BCL2L1: variants seen among roughly 807,000 people sequenced by gnomAD.
BCL2L1 encodes bcl-2-like protein 1.
Under a neutral mutation model 18.7 loss-of-function variants are expected in BCL2L1, and 1 was observed. The observed-to-expected ratio is 0.05, with a 90% CI of 0.02 to 0.25. BCL2L1 has a LOEUF of 0.25. Among genes scored for constraint, BCL2L1 ranks in the 10% least tolerant of loss-of-function variants. BCL2L1 has a pLI of 1.00. For missense variants in BCL2L1, 207 were observed against 304.9 expected (o/e 0.68, Z 2.39); for synonymous variants, 103 against 122.7 (o/e 0.84, Z 1.06).
At chr20:31,706,421 G>C (rs2061369249) in intron 2 of BCL2L1, among the ~76,000 whole-genome samples, 1 of 152,188 alleles carries the variant, frequency 6.6e-6, no homozygotes, top group Non-Finnish European at 1.5e-5. Flanking sequence ...CTCTGCACTA[G>C]GCAATGTGTA....
intron 2 of BCL2L1, among the ~76,000 whole-genome samples, chr20:31,695,202 CT>C (rs1040220451): frequency 6.6e-6 from 1 of 152,228 alleles, no homozygotes; most frequent in Non-Finnish European, 1.5e-5. Flanking sequence ...ACCCACCTGG[CT>C]TCTCACTGGT....
At chr20:31,723,661 G>A (rs1017403847), upstream of BCL2L1, 3 of 985,450 alleles carry the variant, frequency 3.0e-6, no homozygotes, top group East Asian at 1.1e-4. Context: ...GAGCCCAGCC[G>A]GCACGGAAGC....
At chr20:31,713,061 T>C (rs189573414) in intron 2 of BCL2L1, among the ~76,000 whole-genome samples, 1 of 151,676 alleles carries the variant, frequency 6.6e-6, no homozygotes, top group African/African-American at 2.4e-5. Context: ...TATGCAGGGG[T>C]GGGGTGGAAT....
chr20:31,679,665 C>T (rs1483562712), intron 2 of BCL2L1, among the ~76,000 whole-genome samples: 1 of 152,150 alleles, frequency 6.6e-6, no homozygotes, highest in Non-Finnish European at 1.5e-5. Flanking sequence ...TTATTATTAT[C>T]GTTATTAATT....
chr20:31,701,203 G>A (rs1028897269), intron 2 of BCL2L1, among the ~76,000 whole-genome samples: 1 of 152,026 alleles, frequency 6.6e-6, no homozygotes, highest in African/African-American at 2.4e-5. Flanking sequence ...ACAGGCACGC[G>A]CCACCACACC....
chr20:31,697,890 CTGTT>C (rs2061202703), intron 2 of BCL2L1, among the ~76,000 whole-genome samples: 1 of 78,818 alleles, frequency 1.3e-5, no homozygotes. Context: ...TGTGCTGTTG[CTGTT>C]TTTTTTTTTT....
upstream of BCL2L1, chr20:31,723,757 G>A (rs1159919277): frequency 4.1e-6 from 4 of 985,288 alleles, no homozygotes; most frequent in East Asian, 1.1e-4. Context: ...CGAGCCGTGG[G>A]GGGCCACATC....
chr20:31,709,068 T>A (rs2061412702), intron 2 of BCL2L1, among the ~76,000 whole-genome samples: 1 of 152,044 alleles, frequency 6.6e-6, no homozygotes. Flanking sequence ...TTCTTAGGGG[T>A]TACTGAGACC....
chr20:31,677,056 C>T (rs1430451220), intron 2 of BCL2L1, among the ~76,000 whole-genome samples: 2 of 152,170 alleles, frequency 1.3e-5, no homozygotes. Flanking sequence ...TTAATTTCTA[C>T]TTCTCTACCA....
intron 2 of BCL2L1, among the ~76,000 whole-genome samples, chr20:31,696,059 C>T (rs573895693): frequency 2.0e-5 from 3 of 152,152 alleles, no homozygotes; most frequent in African/African-American, 2.4e-5. Flanking sequence ...GAATTAAAGG[C>T]GAGAGCCACC....
intron 2 of BCL2L1, among the ~76,000 whole-genome samples, chr20:31,694,110 T>G (rs1356922517): frequency 1.3e-5 from 2 of 152,102 alleles, no homozygotes; most frequent in Non-Finnish European, 2.9e-5. Flanking sequence ...TGGCTCCAGC[T>G]GGCTCCAGCC....
chr20:31,696,654 T>G (rs1304333601), intron 2 of BCL2L1, among the ~76,000 whole-genome samples: 1 of 152,208 alleles, frequency 6.6e-6, no homozygotes, highest in Non-Finnish European at 1.5e-5. Context: ...GGCTAACGCC[T>G]GTAATCGCAG....
chr20:31,713,549 C>A, intron 2 of BCL2L1: 1 of 985,318 alleles, frequency 1.0e-6, no homozygotes, highest in Non-Finnish European at 1.2e-6. Context: ...GGAGGCTGCC[C>A]AAAAAGCTGT....
At chr20:31,680,798 A>G (rs534106071) in intron 2 of BCL2L1, among the ~76,000 whole-genome samples, 1 of 152,380 alleles carries the variant, frequency 6.6e-6, no homozygotes, top group African/African-American at 2.4e-5. Flanking sequence ...GGGAAGAGAC[A>G]GGCAATAAAC....
In BCL2L1 at chr20:31,703,679, ATGGGGTT is replaced by A. The variant is rs1420575938; in HGVS notation, c.564+17969_564+17975del. 2.9e-4 allele frequency among the ~76,000 whole-genome samples: 43 copies of A among 150,030 alleles called. 1 individual carries two copies. The highest frequency in any genetic ancestry group is 1.1e-3 in the African/African-American group (43 of 40,634). On this transcript the variant is annotated intron_variant, in intron 2 of 2. Transcript: ENST00000307677. Reference sequence around the variant, plus strand: ...GCTAATTTTTTTATTTTCAGTAGAGATGGGGTTTCACTGTGTTGGCCAGGCTGGTCTG... The same window carrying A: ...GCTAATTTTTTTATTTTCAGTAGAGATCACTGTGTTGGCCAGGCTGGTCTG...
chr20:31,681,559 G>A (rs1458796898), intron 2 of BCL2L1, among the ~76,000 whole-genome samples: 2 of 152,186 alleles, frequency 1.3e-5, no homozygotes, highest in African/African-American at 4.8e-5. Flanking sequence ...GAGGACTGCT[G>A]GAGCCCAGGA....
chr20:31,669,865 A>G (rs1413800661), intron 2 of BCL2L1, among the ~76,000 whole-genome samples: 2 of 152,176 alleles, frequency 1.3e-5, no homozygotes, highest in African/African-American at 2.4e-5. Context: ...CATGTCTACT[A>G]CATGTCAGGC....
chr20:31,671,864 T>A (rs2060674566), intron 2 of BCL2L1, among the ~76,000 whole-genome samples: 1 of 149,056 alleles, frequency 6.7e-6, no homozygotes, highest in Admixed American at 6.7e-5. Flanking sequence ...ATACCATATA[T>A]ATACACACAA....
chr20:31,674,874 CAAAAAA>C (rs11372425), intron 2 of BCL2L1, among the ~76,000 whole-genome samples: 1 of 74,744 alleles, frequency 1.3e-5, no homozygotes. Context: ...GACCCCGTCT[CAAAAAA>C]AAAAAAAAAA....
Sources: allele counts gnomAD v4.1 joint callset (sites outside exome capture counted in the v4.1 genomes callset), GRCh38; gene constraint gnomAD v4.1.1; transcripts MANE v1.5; gene names NCBI Gene and HGNC (gene_info 2026-07-23, HGNC 2026-07-21).